Variants in MAPK10 observed in about 807,000 individuals in gnomAD.
The protein encoded by MAPK10 is mitogen-activated protein kinase 10, also known as JNK3 alpha protein kinase.
MAPK10 carries 25 observed loss-of-function variants against 59.3 expected under a neutral mutation model. The observed-to-expected ratio is 0.42, with a 90% CI of 0.31 to 0.59. The LOEUF is 0.59. MAPK10 is among the 20% of genes least tolerant of loss of function. The pLI, the probability that MAPK10 is intolerant of heterozygous loss-of-function variation, is 0.15. For missense variants in MAPK10, 351 were observed against 568.9 expected (o/e 0.62, Z 3.90); for synonymous variants, 190 against 200.5 (o/e 0.95, Z 0.44).
intron 1 of MAPK10, among the ~76,000 whole-genome samples, chr4:86,522,537 C>T (rs954267546): frequency 1.3e-5 from 2 of 152,026 alleles, no homozygotes; most frequent in East Asian, 3.8e-4. Flanking sequence ...GCTTCATAAC[C>T]AGAAGATGGA....
intron 2 of MAPK10, among the ~76,000 whole-genome samples, chr4:86,306,364 T>A (rs2095568677): frequency 6.6e-6 from 1 of 152,210 alleles, no homozygotes; most frequent in Non-Finnish European, 1.5e-5. Flanking sequence ...CCAGAAAGGA[T>A]GAGCATGAAA....
intron 9 of MAPK10, among the ~76,000 whole-genome samples, chr4:86,069,470 G>C (rs1273752725): frequency 2.6e-5 from 4 of 151,978 alleles, no homozygotes; most frequent in Admixed American, 1.3e-4. Flanking sequence ...AAATACAGCA[G>C]TAATTCAGAA....
At chr4:86,236,412 G>C (rs1195175176) in intron 2 of MAPK10, among the ~76,000 whole-genome samples, 1 of 152,142 alleles carries the variant, frequency 6.6e-6, no homozygotes, top group African/African-American at 2.4e-5. Context: ...CAAATGATAT[G>C]ACTGGAAGAA....
chr4:86,584,726 T>C (rs959408955), intron 1 of MAPK10, among the ~76,000 whole-genome samples: 14 of 152,192 alleles, frequency 9.2e-5, no homozygotes, highest in African/African-American at 3.4e-4. Flanking sequence ...TTTACAAGTG[T>C]GATCCACCTT....
intron 1 of MAPK10, among the ~76,000 whole-genome samples, chr4:86,515,242 G>A (rs1164755575): frequency 6.6e-6 from 1 of 152,142 alleles, no homozygotes; most frequent in African/African-American, 2.4e-5. Context: ...TTGGTTGATA[G>A]GCATTTAGGC....
At chr4:86,238,541 C>G (rs776977048) in intron 2 of MAPK10, among the ~76,000 whole-genome samples, 4 of 151,978 alleles carry the variant, frequency 2.6e-5, no homozygotes, top group Non-Finnish European at 4.4e-5. Flanking sequence ...GTTTGTAGTT[C>G]TCTTTGAAGA....
At chr4:86,314,267 T>C (rs902078052) in intron 2 of MAPK10, among the ~76,000 whole-genome samples, 1 of 152,140 alleles carries the variant, frequency 6.6e-6, no homozygotes, top group Non-Finnish European at 1.5e-5. Context: ...ATAGGTTATA[T>C]GGTTTGGCTT....
intron 5 of MAPK10, among the ~76,000 whole-genome samples, chr4:86,105,055 G>C (rs2056288851): frequency 6.6e-6 from 1 of 151,954 alleles, no homozygotes; most frequent in Admixed American, 6.6e-5. Context: ...CTAGTTCCTG[G>C]AATTGAATAT....
In MAPK10 at chr4:86,050,663, C is replaced by A. The variant is rs1161359939; in HGVS notation, c.1110+13603G>T. ...GCTTAGCCTTCCATTCTTGGGGGAG[C>A]TATTCATTACTTAAGAAAACCTACC... On this transcript the variant is annotated intron_variant, in intron 11 of 13. Transcript: ENST00000641462. 3.3e-5 allele frequency among the ~76,000 whole-genome samples: 5 copies of A among 152,182 alleles called. No individual in the cohort carries two copies. In the East Asian group the frequency reaches 9.7e-4, roughly 29 times the overall value.
intron 11 of MAPK10, among the ~76,000 whole-genome samples, chr4:86,036,141 A>G (rs771099165): frequency 4.6e-5 from 7 of 152,214 alleles, no homozygotes; most frequent in Non-Finnish European, 1.0e-4. Flanking sequence ...TTGCAAATGA[A>G]GCACATGAGG....
At chr4:86,231,649 G>A (rs1241495845) in intron 2 of MAPK10, among the ~76,000 whole-genome samples, 1 of 151,798 alleles carries the variant, frequency 6.6e-6, no homozygotes, top group Non-Finnish European at 1.5e-5. Flanking sequence ...GTGACAGAGC[G>A]AGACTCTGTC....
At chr4:86,397,972 A>T (rs1486990029) in intron 1 of MAPK10, among the ~76,000 whole-genome samples, 1 of 151,696 alleles carries the variant, frequency 6.6e-6, no homozygotes, top group Non-Finnish European at 1.5e-5. Flanking sequence ...AACTCGTAAC[A>T]TGCAATACTC....
chr4:86,574,622 A>T (rs1318021901), intron 1 of MAPK10, among the ~76,000 whole-genome samples: 1 of 152,108 alleles, frequency 6.6e-6, no homozygotes, highest in Non-Finnish European at 1.5e-5. Context: ...ATGGTATCTC[A>T]TTGTGGTTTT....
chr4:86,186,740 C>T lies in MAPK10; in HGVS notation c.66+7596G>A, dbSNP rs111607409. ...ATTTTTTGCCAAAACTAGAACAATT[C>T]TTGAGAGTAAAAGAAAGCACTGTCA... is the stretch of plus-strand genomic sequence containing the variant. On this transcript the variant is annotated intron_variant, in intron 3 of 13. Transcript: ENST00000641462. Among the ~76,000 whole-genome samples, 35 of 152,174 alleles carry T rather than the reference C, an allele frequency of 2.3e-4. No homozygotes were observed. The Middle Eastern group carries it at 0.01, about 44-fold the overall frequency.
At chr4:86,136,416 C>T (rs902642505) in intron 4 of MAPK10, among the ~76,000 whole-genome samples, 11 of 151,972 alleles carry the variant, frequency 7.2e-5, no homozygotes, top group African/African-American at 1.9e-4. Context: ...CAACCCAGAA[C>T]TTCATATCCA....
At chr4:86,145,327 A>C (rs1326596072) in intron 4 of MAPK10, among the ~76,000 whole-genome samples, 3 of 86,422 alleles carry the variant, frequency 3.5e-5, no homozygotes, top group Non-Finnish European at 6.5e-5. Context: ...GCGCCACTGC[A>C]CTCCAGCCTG....
chr4:86,026,124 T>C (rs3775169), intron 13 of MAPK10, among the ~76,000 whole-genome samples: 37,434 of 152,078 alleles, frequency 0.25, 5,956 homozygotes, highest in African/African-American at 0.46. Context: ...TTATCTTTGA[T>C]TTAGAGATTT....
chr4:86,426,309 C>G (rs1747273855), intron 1 of MAPK10, among the ~76,000 whole-genome samples: 1 of 152,130 alleles, frequency 6.6e-6, no homozygotes, highest in South Asian at 2.1e-4. Flanking sequence ...ATGCTTAAAT[C>G]CTTTTCAGAA....
At chr4:86,369,562 G>A (rs965788264) in intron 1 of MAPK10, among the ~76,000 whole-genome samples, 1 of 152,108 alleles carries the variant, frequency 6.6e-6, no homozygotes, top group Non-Finnish European at 1.5e-5. Context: ...ATTTATATGT[G>A]TAGCTTATGT....
Sources: gnomAD v4.1 joint callset for allele counts (sites outside exome capture counted in the v4.1 genomes callset) on GRCh38, gnomAD v4.1.1 for gene constraint, MANE v1.5 for transcripts, NCBI Gene and HGNC (gene_info 2026-07-23, HGNC 2026-07-21) for gene names.